Variants in FLACC1 observed in about 807,000 individuals in gnomAD.
FLACC1 encodes flagellum associated containing coiled-coil domains 1.
Under a neutral mutation model 62.8 loss-of-function variants are expected in FLACC1, and 66 were observed. The observed-to-expected ratio is 1.05, with a 90% CI of 0.86 to 1.29. The LOEUF (loss-of-function observed/expected upper bound fraction) is 1.29, where lower values mean the gene tolerates loss of function less well. Ranked by LOEUF, FLACC1 falls within the 50% of genes most tolerant of loss-of-function variation. FLACC1 has a pLI of 0.00. For missense variants in FLACC1, 452 were observed against 489.1 expected (o/e 0.92, Z 0.71); for synonymous variants, 156 against 161.0 (o/e 0.97, Z 0.24).
chr2:201,293,503 T>C (rs1949786160), intron 12 of FLACC1, among the ~76,000 whole-genome samples: 1 of 152,158 alleles, frequency 6.6e-6, no homozygotes, highest in South Asian at 2.1e-4. Flanking sequence ...TACCAGAATC[T>C]CTGGGACACA....
chr2:201,362,863 T>C, the FLACC1 span, among the ~76,000 whole-genome samples: 16 of 152,068 alleles, frequency 1.1e-4, 1 homozygote. Flanking sequence ...GGAGTCTCCA[T>C]AGCCAGAACT....
chr2:201,358,387 G>A (rs1951150408), upstream of FLACC1, among the ~76,000 whole-genome samples: 2 of 150,854 alleles, frequency 1.3e-5, no homozygotes, highest in Non-Finnish European at 2.9e-5. Flanking sequence ...GGACTACACA[G>A]GTGCACAGCA....
intron 9 of FLACC1, among the ~76,000 whole-genome samples, chr2:201,323,784 C>CAAAAAAAAAAAAAAAAAAAAAAAA (rs71022362): frequency 5.7e-5 from 3 of 52,758 alleles, no homozygotes; most frequent in African/African-American, 1.0e-4. Flanking sequence ...CAGACTCTAT[C>CAAAAAAAAAAAAAAAAAAAAAAAA]AAAAAAAAAA....
At chr2:201,293,820 A>T (rs1414846511) in intron 12 of FLACC1, among the ~76,000 whole-genome samples, 4 of 151,774 alleles carry the variant, frequency 2.6e-5, no homozygotes, top group East Asian at 1.9e-4. Flanking sequence ...ATAGACGCAA[A>T]AAAAAACGAT....
chr2:201,353,675 C>T (rs1465098866), intron 1 of FLACC1, among the ~76,000 whole-genome samples: 1 of 152,160 alleles, frequency 6.6e-6, no homozygotes, highest in African/African-American at 2.4e-5. Context: ...ACAACGTCTG[C>T]TTCCTGGGTT....
At chr2:201,307,686 C>T in intron 10 of FLACC1, 64 bp from the exon 11 acceptor site, 1 of 1,147,006 alleles carries the variant, frequency 8.7e-7, no homozygotes, top group Non-Finnish European at 1.3e-6. Flanking sequence ...CAATGAGAAA[C>T]CCAGAATATC....
chr2:201,306,229 AAAAG>A (rs1188159648), intron 11 of FLACC1, among the ~76,000 whole-genome samples: 2 of 152,154 alleles, frequency 1.3e-5, no homozygotes, highest in African/African-American at 4.8e-5. Flanking sequence ...TAGCTGGAAC[AAAAG>A]AAAGAGAGAG....
chr2:201,324,169 T>G (rs1950460318), intron 9 of FLACC1, among the ~76,000 whole-genome samples: 1 of 152,130 alleles, frequency 6.6e-6, no homozygotes. Context: ...GAAAAAGATA[T>G]TCCATGCAAA....
intron 9 of FLACC1, among the ~76,000 whole-genome samples, chr2:201,320,892 T>A (rs979194384): frequency 1.3e-5 from 2 of 152,242 alleles, no homozygotes; most frequent in African/African-American, 4.8e-5. Context: ...TTCCCTTTTG[T>A]AAGCATCACC....
upstream of FLACC1, among the ~76,000 whole-genome samples, chr2:201,361,133 C>T (rs140000084): frequency 3.7e-4 from 56 of 152,276 alleles, 1 homozygote; most frequent in East Asian, 8.9e-3. Context: ...TGATCTGGAG[C>T]TCAGCTCTGA....
rs1421057439 is a variant in FLACC1, at chr2:201,296,073, A to T, written c.942+3165T>A. 2.6e-5 allele frequency among the ~76,000 whole-genome samples: 4 copies of T among 152,270 alleles called. No homozygotes were observed. In the South Asian group the frequency reaches 8.3e-4, roughly 32 times the overall value. ...TTTTACACTGTTGGTGGGACTGTAA[A>T]CTAGTTCAACCATTGTGGAAGTCAG... is the stretch of plus-strand genomic sequence containing the variant. On this transcript the variant is annotated intron_variant, in intron 12 of 14. Coordinates refer to ENST00000392257, the MANE Select transcript of FLACC1 (RefSeq NM_001127391.3).
intron 7 of FLACC1, among the ~76,000 whole-genome samples, chr2:201,331,568 C>T (rs1160040737): frequency 6.6e-6 from 1 of 152,114 alleles, no homozygotes; most frequent in African/African-American, 2.4e-5. Context: ...ATGGAGGAAC[C>T]TTTAAAGCAT....
At chr2:201,294,301 C>T (rs556546449) in intron 12 of FLACC1, among the ~76,000 whole-genome samples, 71 of 152,250 alleles carry the variant, frequency 4.7e-4, no homozygotes, top group African/African-American at 1.6e-3. Flanking sequence ...AATATAGCAG[C>T]ACATCAAAAA....
At chr2:201,298,001 G>A (rs754029287) in intron 12 of FLACC1, among the ~76,000 whole-genome samples, 34 of 152,278 alleles carry the variant, frequency 2.2e-4, no homozygotes, top group Non-Finnish European at 4.7e-4. Context: ...GCCTGTTAAG[G>A]GAACAGCAAG....
At chr2:201,332,623 A>G (rs962394603) in intron 7 of FLACC1, among the ~76,000 whole-genome samples, 3 of 152,146 alleles carry the variant, frequency 2.0e-5, no homozygotes, top group African/African-American at 7.2e-5. Flanking sequence ...ATTATTAACT[A>G]TATTTACTAC....
rs115437224 is a variant in FLACC1, at chr2:201,356,082, G to A, written c.-48+900C>T. Among the ~76,000 whole-genome samples the A allele has an allele frequency of 3.6e-3, 548 of 152,230 alleles. 5 individuals carry two copies. The highest frequency in any genetic ancestry group is 0.013 in the African/African-American group (520 of 41,542). ...CTGGGGGTGCCAGGGGAGGAGTTGG[G>A]ACAACCAAGGTGGCAAGGAGGACAT... is the stretch of plus-strand genomic sequence containing the variant. On this transcript the variant is annotated intron_variant, in intron 1 of 14. Transcript: ENST00000392257.
At chr2:201,307,851 T>C (rs1346490549) in intron 10 of FLACC1, among the ~76,000 whole-genome samples, 1 of 152,244 alleles carries the variant, frequency 6.6e-6, no homozygotes, top group Non-Finnish European at 1.5e-5. Flanking sequence ...CCAACATCTC[T>C]GGTTCTTTTG....
chr2:201,348,619 G>A (rs1950964435), intron 3 of FLACC1, among the ~76,000 whole-genome samples: 1 of 152,068 alleles, frequency 6.6e-6, no homozygotes, highest in South Asian at 2.1e-4. Context: ...TGTGAGTCAG[G>A]TGACACCCCC....
intron 12 of FLACC1, among the ~76,000 whole-genome samples, chr2:201,297,341 G>A (rs764195217): frequency 2.0e-5 from 3 of 152,090 alleles, no homozygotes; most frequent in East Asian, 1.9e-4. Context: ...AAGGAGAAAC[G>A]GGAGATAAAG....
Sources: gnomAD v4.1 joint callset for allele counts (sites outside exome capture counted in the v4.1 genomes callset) on GRCh38, gnomAD v4.1.1 for gene constraint, MANE v1.5 for transcripts, NCBI Gene and HGNC (gene_info 2026-07-23, HGNC 2026-07-21) for gene names.